FAM168A: variants seen among roughly 807,000 people sequenced by gnomAD.
FAM168A encodes the protein family with sequence similarity 168 member A.
Under a neutral mutation model 28.5 loss-of-function variants are expected in FAM168A, and 3 were observed. That is an observed-to-expected ratio of 0.11 (90% CI 0.05 to 0.27). The LOEUF (loss-of-function observed/expected upper bound fraction) is 0.27. Among genes scored for constraint, FAM168A ranks in the 10% least tolerant of loss-of-function variants. The pLI, the probability that FAM168A is intolerant of heterozygous loss-of-function variation, is 1.00. For missense variants in FAM168A, 222 were observed against 311.5 expected (o/e 0.71, Z 2.16); for synonymous variants, 122 against 124.2 (o/e 0.98, Z 0.12).
rs1866461287 is a variant in FAM168A, at chr11:73,404,192, A to T, written c.*2571T>A. On this transcript the variant is annotated 3_prime_UTR_variant, in exon 8 of 8. Coordinates refer to ENST00000356467, the MANE Select transcript of FAM168A (RefSeq NM_015159.3). ...GAACAAAAGTTACAAGGTCATTCCTAGGTCTCCTCTTCTTCCTTTCTCCTC... is the reference window on the plus strand; with the variant it reads ...GAACAAAAGTTACAAGGTCATTCCTTGGTCTCCTCTTCTTCCTTTCTCCTC... 6.6e-6 allele frequency: 1 copy of T among 152,228 alleles called. No homozygotes were observed. Among genetic ancestry groups the T allele is most frequent in the African/African-American group, 2.4e-5 (1 of 41,464 alleles). 9.4% of individuals were successfully genotyped at this position (152,228 alleles called of 1,614,324 possible).
intron 1 of FAM168A, among the ~76,000 whole-genome samples, chr11:73,476,870 G>A (rs1179609918): frequency 6.6e-6 from 1 of 152,000 alleles, no homozygotes; most frequent in Non-Finnish European, 1.5e-5. Context: ...CTTGAAGACA[G>A]AGCAATAGAA....
At chr11:73,493,684 T>C (rs1305234380) in intron 1 of FAM168A, among the ~76,000 whole-genome samples, 3 of 152,182 alleles carry the variant, frequency 2.0e-5, no homozygotes, top group African/African-American at 7.2e-5. Context: ...CCCAAAGTAC[T>C]GGGATTACAG....
At chr11:73,485,252 A>C (rs919438428) in intron 1 of FAM168A, among the ~76,000 whole-genome samples, 1 of 152,192 alleles carries the variant, frequency 6.6e-6, no homozygotes, top group Non-Finnish European at 1.5e-5. Context: ...TTTCTTACTA[A>C]TTCATTCAGC....
intron 1 of FAM168A, among the ~76,000 whole-genome samples, chr11:73,543,234 T>C (rs1482142484): frequency 6.6e-6 from 1 of 151,586 alleles, no homozygotes; most frequent in African/African-American, 2.4e-5. Flanking sequence ...TAATCAATAC[T>C]AGTAATCAAC....
intron 1 of FAM168A, among the ~76,000 whole-genome samples, chr11:73,573,016 T>C (rs1459757626): frequency 6.6e-6 from 1 of 152,124 alleles, no homozygotes; most frequent in Non-Finnish European, 1.5e-5. Context: ...TAAGCCTCCA[T>C]AAAATTAAGC....
chr11:73,487,873 C>T (rs1868074387), intron 1 of FAM168A, among the ~76,000 whole-genome samples: 1 of 152,156 alleles, frequency 6.6e-6, no homozygotes, highest in Admixed American at 6.5e-5. Flanking sequence ...CATTGTCCAT[C>T]ACCCTCCTCG....
At chr11:73,437,260 G>C (rs1399049663) in intron 2 of FAM168A, among the ~76,000 whole-genome samples, 1 of 151,686 alleles carries the variant, frequency 6.6e-6, no homozygotes, top group Non-Finnish European at 1.5e-5. Flanking sequence ...ACCCCACCTG[G>C]CTAATTTTTG....
chr11:73,549,100 C>T (rs979912730), intron 1 of FAM168A, among the ~76,000 whole-genome samples: 2 of 152,132 alleles, frequency 1.3e-5, no homozygotes, highest in African/African-American at 4.8e-5. Context: ...CGCCACCATG[C>T]CCAGCTAATT....
intron 2 of FAM168A, among the ~76,000 whole-genome samples, chr11:73,447,531 G>C (rs1867340513): frequency 6.7e-6 from 1 of 149,802 alleles, no homozygotes; most frequent in South Asian, 2.1e-4. Context: ...ATTCCAGCCT[G>C]GGCAACAGAG....
chr11:73,442,955 G>C (rs1374928262), intron 2 of FAM168A, among the ~76,000 whole-genome samples: 1 of 40,228 alleles, frequency 2.5e-5, no homozygotes, highest in African/African-American at 6.7e-5. Context: ...ATATACAAAG[G>C]ATATATATAT....
chr11:73,498,778 C>T (rs1410157324), intron 1 of FAM168A, among the ~76,000 whole-genome samples: 1 of 152,172 alleles, frequency 6.6e-6, no homozygotes, highest in African/African-American at 2.4e-5. Flanking sequence ...TCAGGTCTAA[C>T]CCTGACCCAT....
chr11:73,436,112 T>C (rs1196069258), intron 2 of FAM168A, among the ~76,000 whole-genome samples: 1 of 152,136 alleles, frequency 6.6e-6, no homozygotes, highest in Admixed American at 6.5e-5. Context: ...GCTTTTTTCC[T>C]TTATATCCTA....
chr11:73,566,882 A>G (rs1044978870), intron 1 of FAM168A, among the ~76,000 whole-genome samples: 1 of 152,262 alleles, frequency 6.6e-6, no homozygotes, highest in Non-Finnish European at 1.5e-5. Flanking sequence ...CAACAACTTT[A>G]CAGTGGAAGC....
intron 1 of FAM168A, among the ~76,000 whole-genome samples, chr11:73,537,311 A>T (rs913732416): frequency 1.3e-5 from 2 of 152,196 alleles, no homozygotes; most frequent in African/African-American, 2.4e-5. Flanking sequence ...CTGTAATCTT[A>T]GCAATTTGGG....
At chr11:73,569,218 A>T (rs1419940816) in intron 1 of FAM168A, among the ~76,000 whole-genome samples, 1 of 152,218 alleles carries the variant, frequency 6.6e-6, no homozygotes, top group Non-Finnish European at 1.5e-5. Flanking sequence ...AAAATAAACT[A>T]GCAATTTTAG....
At chr11:73,476,845 G>C (rs1428767562) in intron 1 of FAM168A, among the ~76,000 whole-genome samples, 1 of 152,038 alleles carries the variant, frequency 6.6e-6, no homozygotes, top group East Asian at 1.9e-4. Context: ...GCTGGCAGAA[G>C]AAAGAATCAC....
chr11:73,577,173 G>A lies in FAM168A; in HGVS notation c.-19+20750C>T, dbSNP rs188682722. ...TGGAAGGAATGAAGCTAGCGTCACTGGGCATCTGCTATATGCCAACTATGG... is the reference window on the plus strand; with the variant it reads ...TGGAAGGAATGAAGCTAGCGTCACTAGGCATCTGCTATATGCCAACTATGG... On this transcript the variant is annotated intron_variant, in intron 1 of 7. Coordinates refer to ENST00000356467, the MANE Select transcript of FAM168A (RefSeq NM_015159.3). 4.6e-5 allele frequency among the ~76,000 whole-genome samples: 7 copies of A among 152,250 alleles called. No homozygotes were observed. The East Asian group carries it at 1.4e-3, about 29-fold the overall frequency.
intron 1 of FAM168A, among the ~76,000 whole-genome samples, chr11:73,522,421 C>A (rs1228700446): frequency 6.6e-6 from 1 of 152,050 alleles, no homozygotes; most frequent in Non-Finnish European, 1.5e-5. Flanking sequence ...ACTGCAAGCA[C>A]CACCTCCCAG....
intron 1 of FAM168A, among the ~76,000 whole-genome samples, chr11:73,572,821 C>G (rs1453694850): frequency 6.6e-6 from 1 of 151,984 alleles, no homozygotes; most frequent in African/African-American, 2.4e-5. Context: ...CCACTATTGT[C>G]CTATGACCCT....
Sources: allele counts gnomAD v4.1 joint callset (sites outside exome capture counted in the v4.1 genomes callset), GRCh38; gene constraint gnomAD v4.1.1; transcripts MANE v1.5; gene names NCBI Gene and HGNC (gene_info 2026-07-23, HGNC 2026-07-21).